Variants in PDE3A observed in about 807,000 individuals in gnomAD.
PDE3A encodes the protein cGMP-inhibited 3',5'-cyclic phosphodiesterase 3A.
A neutral mutation model predicts 98.3 loss-of-function variants in PDE3A; 43 were observed. The ratio of observed to expected loss-of-function variants is 0.44; its 90% CI spans 0.34 to 0.56. PDE3A has a LOEUF of 0.56. PDE3A is among the 20% of genes least tolerant of loss of function. PDE3A has a pLI of 0.01. For missense variants in PDE3A, 1,427 were observed against 1,440.7 expected (o/e 0.99, Z 0.15); for synonymous variants, 663 against 567.9 (o/e 1.17, Z -2.38).
intron 15 of PDE3A, among the ~76,000 whole-genome samples, chr12:20,674,544 T>C (rs1376009616): frequency 6.6e-6 from 1 of 152,188 alleles, no homozygotes; most frequent in Non-Finnish European, 1.5e-5. Context: ...ATTGAGAGGA[T>C]AGATGCAAAA....
rs1943399266 is a variant in PDE3A, at chr12:20,368,955, G to T, written c.-330G>T. Among the ~76,000 whole-genome samples the T allele has an allele frequency of 6.6e-6, 1 of 152,094 alleles. No homozygotes were observed. Among genetic ancestry groups the T allele is most frequent in the African/African-American group, 2.4e-5 (1 of 41,430 alleles). Reference sequence around the variant, plus strand: ...GAAGAGACCCCGGAGGATATAAGTCGGGGGTGGGGGTGGAGCAGAGAATCT... The same window carrying T: ...GAAGAGACCCCGGAGGATATAAGTCTGGGGTGGGGGTGGAGCAGAGAATCT... On this transcript the variant is annotated 5_prime_UTR_variant, in exon 1 of 16. Transcript: ENST00000359062.
In PDE3A at chr12:20,552,545, C is replaced by T. The variant is rs951492071; in HGVS notation, c.961-4115C>T. ...GAGCAGCAGGAGGGGGGCTTCGCGTCCCCCAGGACGGGCAAGGGCAAGTGG... is the reference window on the plus strand; with the variant it reads ...GAGCAGCAGGAGGGGGGCTTCGCGTTCCCCAGGACGGGCAAGGGCAAGTGG... On this transcript the variant is annotated intron_variant, in intron 1 of 15. Coordinates refer to ENST00000359062, the MANE Select transcript of PDE3A (RefSeq NM_000921.5). This position sits in a 1 kb window ranked among gnomAD's most constrained non-coding sequence, Gnocchi z 5.1. The T allele has an allele frequency of 3.1e-5, 50 of 1,613,288 alleles. No homozygotes were observed. Among genetic ancestry groups the T allele is most frequent in the Non-Finnish European group, 4.2e-5 (49 of 1,179,698 alleles).
chr12:20,494,463 C>T (rs1309775016), intron 1 of PDE3A, among the ~76,000 whole-genome samples: 1 of 151,952 alleles, frequency 6.6e-6, no homozygotes, highest in Non-Finnish European at 1.5e-5. Flanking sequence ...AGGTGAGTGA[C>T]TTGAAACTCA....
At chr12:20,397,870 G>A (rs980718561) in intron 1 of PDE3A, among the ~76,000 whole-genome samples, 4 of 151,936 alleles carry the variant, frequency 2.6e-5, no homozygotes, top group Admixed American at 6.6e-5. Flanking sequence ...CTGACAAAGT[G>A]GACATTGCAA....
chr12:20,469,977 A>G (rs1945408245), intron 1 of PDE3A, among the ~76,000 whole-genome samples: 1 of 152,202 alleles, frequency 6.6e-6, no homozygotes, highest in South Asian at 2.1e-4. Flanking sequence ...TTCTCTGCCA[A>G]TAATGACTCT....
At chr12:20,526,358 AT>A (rs1286771029) in intron 1 of PDE3A, among the ~76,000 whole-genome samples, 1 of 152,232 alleles carries the variant, frequency 6.6e-6, no homozygotes, top group Non-Finnish European at 1.5e-5. Context: ...TTGAGATTGC[AT>A]TATATCATTT....
At chr12:20,519,598 G>T (rs1339920261) in intron 1 of PDE3A, among the ~76,000 whole-genome samples, 2 of 152,196 alleles carry the variant, frequency 1.3e-5, no homozygotes, top group East Asian at 1.9e-4. Context: ...TATTTAATAC[G>T]AATATAATTC....
At chr12:20,509,231 C>T (rs545841779) in intron 1 of PDE3A, among the ~76,000 whole-genome samples, 14 of 152,218 alleles carry the variant, frequency 9.2e-5, no homozygotes, top group African/African-American at 3.4e-4. Flanking sequence ...AACACCACAT[C>T]TGTGTCCACA....
At chr12:20,539,381 G>A (rs1386459907) in intron 1 of PDE3A, among the ~76,000 whole-genome samples, 1 of 152,056 alleles carries the variant, frequency 6.6e-6, no homozygotes, top group Admixed American at 6.6e-5. Flanking sequence ...ACCCATATGG[G>A]CATCCTGTGG....
intron 10 of PDE3A, 47 bp from the exon 11 acceptor site, chr12:20,646,443 A>AC (rs1162018280): frequency 2.0e-6 from 2 of 1,018,056 alleles, no homozygotes; most frequent in Non-Finnish European, 3.1e-6. Context: ...TAGTTCTTGG[A>AC]CCCCAAAGTT....
chr12:20,637,319 A>C, intron 9 of PDE3A, 82 bp downstream of exon 9: 1 of 995,668 alleles, frequency 1.0e-6, no homozygotes, highest in South Asian at 1.8e-5. Context: ...AATTCTTGAC[A>C]CTTGTGGATA....
At chr12:20,525,820 T>C (rs930088242) in intron 1 of PDE3A, among the ~76,000 whole-genome samples, 3 of 152,100 alleles carry the variant, frequency 2.0e-5, no homozygotes, top group Non-Finnish European at 4.4e-5. Flanking sequence ...AAGAGAAAAG[T>C]TGACAAAATC....
chr12:20,486,989 A>G (rs1945737777), intron 1 of PDE3A, among the ~76,000 whole-genome samples: 1 of 152,314 alleles, frequency 6.6e-6, no homozygotes, highest in South Asian at 2.1e-4. Context: ...ACGTGTAGAG[A>G]CTTTCAAAGC....
intron 15 of PDE3A, among the ~76,000 whole-genome samples, chr12:20,669,394 T>C (rs1381489874): frequency 2.6e-5 from 4 of 151,598 alleles, no homozygotes; most frequent in East Asian, 1.9e-4. Flanking sequence ...AGACACATAA[T>C]TGTCAGATTC....
Position 20,640,160 on chromosome 12 carries a change from G to T in PDE3A, c.2251+203G>T, listed in dbSNP as rs185059570. ...CTTTTCAGCTGTGTGAGACCCTAGG[G>T]TTTACTTAAGCTCTACATGCCTCAT... is the stretch of plus-strand genomic sequence containing the variant. On this transcript the variant is annotated intron_variant, in intron 10 of 15. Coordinates refer to ENST00000359062, the MANE Select transcript of PDE3A (RefSeq NM_000921.5). Among the ~76,000 whole-genome samples the T allele has an allele frequency of 2.1e-3, 322 of 152,002 alleles. 3 individuals are homozygous for T. Among genetic ancestry groups the T allele is most frequent in the Middle Eastern group, 0.014 (4 of 294 alleles).
intron 1 of PDE3A, among the ~76,000 whole-genome samples, chr12:20,409,247 G>A (rs1050397977): frequency 3.9e-5 from 6 of 152,124 alleles, no homozygotes; most frequent in Non-Finnish European, 7.4e-5. Flanking sequence ...AGCGACACAG[G>A]TTGAAGCCAC....
At chr12:20,455,626 G>T (rs905458571) in intron 1 of PDE3A, among the ~76,000 whole-genome samples, 8 of 152,180 alleles carry the variant, frequency 5.3e-5, no homozygotes, top group African/African-American at 1.9e-4. Flanking sequence ...ACTAGGAAAG[G>T]GTAGGCTGCC....
At chr12:20,373,179 G>A (rs988676365) in intron 1 of PDE3A, among the ~76,000 whole-genome samples, 1 of 151,920 alleles carries the variant, frequency 6.6e-6, no homozygotes, top group African/African-American at 2.4e-5. Flanking sequence ...TTAGCTTTTA[G>A]TTTAGTCCTG....
intron 1 of PDE3A, among the ~76,000 whole-genome samples, chr12:20,505,644 T>C (rs1490105737): frequency 6.6e-6 from 1 of 152,286 alleles, no homozygotes; most frequent in Admixed American, 6.5e-5. Flanking sequence ...AGATTTATCA[T>C]GCCATTTCTT....
Sources: gnomAD v4.1 joint callset for allele counts (sites outside exome capture counted in the v4.1 genomes callset) on GRCh38, gnomAD v4.1.1 for gene constraint, Gnocchi (gnomAD v3.1) non-coding constraint, MANE v1.5 for transcripts, NCBI Gene and HGNC (gene_info 2026-07-23, HGNC 2026-07-21) for gene names.